GFRA1: variants seen among roughly 807,000 people sequenced by gnomAD.
GFRA1 encodes the protein GDNF family receptor alpha 1, also known as GDNF family receptor alpha-1.
Under a neutral mutation model 51.6 loss-of-function variants are expected in GFRA1, and 16 were observed. The observed-to-expected ratio is 0.31, with a 90% CI of 0.21 to 0.47. The LOEUF (loss-of-function observed/expected upper bound fraction) is 0.47, where lower values mean the gene tolerates loss of function less well. Ranked by LOEUF, GFRA1 falls within the 20% of genes least tolerant of loss-of-function variation. The pLI is 1.00. For missense variants in GFRA1, 530 were observed against 594.3 expected (o/e 0.89, Z 1.13); for synonymous variants, 270 against 241.3 (o/e 1.12, Z -1.10).
chr10:116,223,303 A>C (rs764923572), intron 4 of GFRA1, among the ~76,000 whole-genome samples: 17 of 152,250 alleles, frequency 1.1e-4, no homozygotes, highest in Non-Finnish European at 2.4e-4. Context: ...CCATGTGAAC[A>C]AATACTAAAA....
intron 5 of GFRA1, among the ~76,000 whole-genome samples, chr10:116,169,609 A>T (rs186546036): frequency 2.0e-5 from 3 of 152,348 alleles, no homozygotes; most frequent in Admixed American, 2.0e-4. Context: ...CTACGGTCAC[A>T]GAATTTGGCC....
intron 4 of GFRA1, among the ~76,000 whole-genome samples, chr10:116,252,988 G>C (rs376522398): frequency 6.6e-6 from 1 of 152,170 alleles, no homozygotes; most frequent in Admixed American, 6.5e-5. Flanking sequence ...ATCTCCCTAA[G>C]GTTCTAATGT....
chr10:116,271,221 C>CG, intron 2 of GFRA1, 106 bp from the exon 3 acceptor site: 1 of 879,306 alleles, frequency 1.1e-6, no homozygotes, highest in South Asian at 1.7e-5. Context: ...GACCAGCCTT[C>CG]GGGGGCGCCC....
intron 6 of GFRA1, among the ~76,000 whole-genome samples, chr10:116,118,127 G>A (rs988039285): frequency 1.3e-5 from 2 of 152,158 alleles, no homozygotes; most frequent in Non-Finnish European, 2.9e-5. Flanking sequence ...CCCCTTCTCT[G>A]AGATTTAGTC....
chr10:116,099,829 G>A (rs766598870), intron 6 of GFRA1, among the ~76,000 whole-genome samples: 13 of 152,162 alleles, frequency 8.5e-5, no homozygotes, highest in East Asian at 1.9e-4. Flanking sequence ...ATGAATGGCC[G>A]CTAAAACAAT....
chr10:116,110,967 T>C (rs909432259), intron 6 of GFRA1, among the ~76,000 whole-genome samples: 2 of 152,142 alleles, frequency 1.3e-5, no homozygotes, highest in East Asian at 1.9e-4. Context: ...TTTTGGATCT[T>C]GAACACACGT....
At chr10:116,177,950 C>A (rs1307593975) in intron 5 of GFRA1, among the ~76,000 whole-genome samples, 1 of 152,160 alleles carries the variant, frequency 6.6e-6, no homozygotes, top group African/African-American at 2.4e-5. Flanking sequence ...AGACCCCAGG[C>A]CCCTGAGCTA....
At chr10:116,088,108 A>G (rs1010253056) in intron 9 of GFRA1, among the ~76,000 whole-genome samples, 1 of 152,268 alleles carries the variant, frequency 6.6e-6, no homozygotes, top group South Asian at 2.1e-4. Context: ...CCAGAAGGAC[A>G]AAGGACAGAG....
intron 5 of GFRA1, among the ~76,000 whole-genome samples, chr10:116,208,599 T>C (rs1258826379): frequency 1.3e-5 from 2 of 152,310 alleles, no homozygotes; most frequent in African/African-American, 2.4e-5. Flanking sequence ...GGGACTTCAG[T>C]TGACAGCGCA....
rs1165859561 is a variant in GFRA1 at position 116,196,843 on chromosome 10, A to AT, written c.433+14787dup. Reference sequence around the variant, plus strand: ...TAAAAATACTTATAAATATATATATATATATTTTTTTTCCCTCCCACAGTT... The same window carrying AT: ...TAAAAATACTTATAAATATATATATATTATATTTTTTTTCCCTCCCACAGTT... On this transcript the variant is annotated intron_variant, in intron 5 of 10. Transcript: ENST00000355422. Among the ~76,000 whole-genome samples, 25 of 80,206 alleles carry AT rather than the reference A, an allele frequency of 3.1e-4. 1 individual carries two copies. In the South Asian group the frequency reaches 5.5e-3, roughly 17 times the overall value. 52.6% of individuals were successfully genotyped at this position (80,206 alleles called of 152,430 possible). A position where few individuals can be genotyped will look rare whatever the true frequency, so the allele number is the denominator to read the frequency against.
chr10:116,058,601 T>C lies in GFRA1; in HGVS notation c.*5797A>G, dbSNP rs1324448759. 1 of 152,228 alleles carries C rather than the reference T, an allele frequency of 6.6e-6. No homozygotes were observed. Among genetic ancestry groups the C allele is most frequent in the Non-Finnish European group, 1.5e-5 (1 of 68,046 alleles). 9.4% of individuals were successfully genotyped at this position (152,228 alleles called of 1,614,324 possible). On this transcript the variant is annotated 3_prime_UTR_variant, in exon 11 of 11. Transcript: ENST00000355422. ...GGAGACTGAGTCTCAGTTTCATGAA[T>C]GATTTGTAAAGAGAATACAGCGTCT...
intron 4 of GFRA1, among the ~76,000 whole-genome samples, chr10:116,249,167 T>C (rs1023715314): frequency 1.3e-5 from 2 of 152,160 alleles, no homozygotes. Context: ...TACACTTGGA[T>C]TTTCTATGTA....
At chr10:116,167,647 T>G (rs1171991978) in intron 5 of GFRA1, among the ~76,000 whole-genome samples, 1 of 152,196 alleles carries the variant, frequency 6.6e-6, no homozygotes, top group Non-Finnish European at 1.5e-5. Context: ...GCTCTCAGTT[T>G]TAACGTGCAG....
At chr10:116,076,613 G>C (rs562926603) in intron 9 of GFRA1, among the ~76,000 whole-genome samples, 34 of 152,286 alleles carry the variant, frequency 2.2e-4, no homozygotes, top group Non-Finnish European at 4.4e-4. Context: ...GTGAACCCCA[G>C]GTCACCAGAC....
rs182384052 is a variant in GFRA1 at position 116,200,338 on chromosome 10, C to T, written c.433+11293G>A. Among the ~76,000 whole-genome samples, 116 of 152,264 alleles carry T rather than the reference C, an allele frequency of 7.6e-4. 2 individuals are homozygous for T. The highest frequency in any genetic ancestry group is 2.5e-3 in the African/African-American group (105 of 41,548). On this transcript the variant is annotated intron_variant, in intron 5 of 10. Transcript: ENST00000355422. Reference sequence around the variant, plus strand: ...GTAATGTACTCATAAAGAATTCAGACGAATTTCCTGGGTCTGAACTCAGAT... The same window carrying T: ...GTAATGTACTCATAAAGAATTCAGATGAATTTCCTGGGTCTGAACTCAGAT...
chr10:116,161,432 G>A (rs2134178551), intron 5 of GFRA1, among the ~76,000 whole-genome samples: 1 of 152,298 alleles, frequency 6.6e-6, no homozygotes, highest in African/African-American at 2.4e-5. Context: ...AAAAGAGCAT[G>A]GGAAGCTTCT....
Position 116,125,499 on chromosome 10 carries a change from G to T in GFRA1, c.492C>A (p.Asp164Glu), listed in dbSNP as rs79176106. ...CCGACCTGTACTTCTTGCAAATGTC[G>T]TCGAGGTTGCAGGCCTTCGCTGCAT... is the stretch of plus-strand genomic sequence containing the variant. The part of the protein sequence containing the change: ...CLDAAKACNL[D>E]DICKKYRSAY... The change falls in exon 6 of 11, where the codon GAC (aspartate) becomes GAA (glutamate). Residue 164 changes from aspartate (D) to glutamate (E), a missense_variant. Coordinates refer to ENST00000355422, the MANE Select transcript of GFRA1 (RefSeq NM_005264.8). 6.2e-7 allele frequency: 1 copy of T among 1,614,150 alleles called. No individual in the cohort carries two copies. The highest frequency in any genetic ancestry group is 2.2e-5 in the East Asian group (1 of 44,880).
chr10:116,169,178 CA>C (rs1465475025), intron 5 of GFRA1, among the ~76,000 whole-genome samples: 1 of 152,218 alleles, frequency 6.6e-6, no homozygotes, highest in African/African-American at 2.4e-5. Flanking sequence ...AAGAATCTGA[CA>C]AACTCATCCA....
At chr10:116,230,935 A>T (rs1381337111) in intron 4 of GFRA1, among the ~76,000 whole-genome samples, 2 of 152,174 alleles carry the variant, frequency 1.3e-5, no homozygotes, top group African/African-American at 4.8e-5. Flanking sequence ...GGAGCATCCC[A>T]GTGTTCTTAG....
Sources: gnomAD v4.1 joint callset for allele counts (sites outside exome capture counted in the v4.1 genomes callset) on GRCh38, gnomAD v4.1.1 for gene constraint, MANE v1.5 for transcripts, NCBI Gene and HGNC (gene_info 2026-07-23, HGNC 2026-07-21) for gene names.